The following LOX variants were observed in gnomAD, a reference collection of about 807,000 sequenced individuals.
The protein encoded by LOX is protein-lysine 6-oxidase.
LOX carries 12 observed loss-of-function variants against 50.5 expected under a neutral mutation model. That is an observed-to-expected ratio of 0.24 (90% CI 0.15 to 0.38). The LOEUF (loss-of-function observed/expected upper bound fraction) is 0.38. Among genes scored for constraint, LOX ranks in the 10% least tolerant of loss-of-function variants. The pLI is 1.00. For missense variants in LOX, 504 were observed against 563.8 expected (o/e 0.89, Z 1.07); for synonymous variants, 254 against 230.6 (o/e 1.10, Z -0.92).
chr5:122,076,710 A>G (rs1307660696), intron 2 of LOX, among the ~76,000 whole-genome samples, 183 bp downstream of exon 2: 1 of 128,278 alleles, frequency 7.8e-6, no homozygotes, highest in African/African-American at 2.6e-5. Flanking sequence ...GAACCCACAG[A>G]AATCTTCAAA....
rs761344933 is a variant in LOX at position 122,078,006 on chromosome 5, C to A, written c.-21G>T. The A allele has an allele frequency of 1.9e-5, 28 of 1,441,260 alleles. No homozygotes were observed. In the East Asian group the frequency reaches 4.8e-4, roughly 25 times the overall value. 89.3% of individuals were successfully genotyped at this position (1,441,260 alleles called of 1,614,324 possible). A position where few individuals can be genotyped will look rare whatever the true frequency, so the allele number is the denominator to read the frequency against. On this transcript the variant is annotated 5_prime_UTR_variant, in exon 1 of 7. Transcript: ENST00000231004. ...CGCATCACTCCTTTTGCCAGATTGA[C>A]CCCGCTCGAGGAGGACGTGGCTCAC...
chr5:122,066,650 T>C lies in LOX; in HGVS notation c.*93A>G. 1 of 1,029,390 alleles carries C rather than the reference T, an allele frequency of 9.7e-7. No homozygotes were observed. Among genetic ancestry groups the C allele is most frequent in the Non-Finnish European group, 1.5e-6 (1 of 676,574 alleles). 63.8% of individuals were successfully genotyped at this position (1,029,390 alleles called of 1,614,324 possible). A position where few individuals can be genotyped will look rare whatever the true frequency, so the allele number is the denominator to read the frequency against. ...CTTTTGTTGTTTTCTGTTCTCTTTT[T>C]CAAAATACATAAATCCTACTGAAGT... is the stretch of plus-strand genomic sequence containing the variant. On this transcript the variant is annotated 3_prime_UTR_variant, in exon 7 of 7. Transcript: ENST00000231004.
At chr5:122,071,395 C>A (rs948246499) in intron 4 of LOX, among the ~76,000 whole-genome samples, 26 of 152,088 alleles carry the variant, frequency 1.7e-4, no homozygotes, top group Admixed American at 6.5e-5. Flanking sequence ...TTAACTACCC[C>A]ACTATACTCT....
chr5:122,064,125 T>C lies in LOX; in HGVS notation c.*2618A>G, dbSNP rs1025848377. 2 of 151,974 alleles carry C rather than the reference T, an allele frequency of 1.3e-5. No homozygotes were observed. The highest frequency in any genetic ancestry group is 4.8e-5 in the African/African-American group (2 of 41,418). 9.4% of individuals were successfully genotyped at this position (151,974 alleles called of 1,614,324 possible). A position where few individuals can be genotyped will look rare whatever the true frequency, so the allele number is the denominator to read the frequency against. On this transcript the variant is annotated 3_prime_UTR_variant, in exon 7 of 7. Transcript: ENST00000231004. The stretch of plus-strand genomic sequence containing the variant: ...TCCTATTTAGTCCATTTTCTGTCTT[T>C]TTTAGTGTAAAAGCCAATCTCCTGT...
Position 122,077,304 on chromosome 5 carries a change from T to C in LOX, c.631+51A>G. On this transcript the variant is annotated intron_variant, in intron 1 of 6. Transcript: ENST00000231004. This position sits in a 1 kb window ranked among gnomAD's most constrained non-coding sequence, Gnocchi z 4.9. ...CAGGCAGCCACGTCGAGAAGCCACA[T>C]AGCTGGGGACCAGGTGCACGGGTGC... 1.2e-6 allele frequency: 2 copies of C among 1,610,326 alleles called. No homozygotes were observed. Among genetic ancestry groups the C allele is most frequent in the Non-Finnish European group, 1.7e-6 (2 of 1,178,524 alleles).
chr5:122,067,236 G>A (rs1754325019), intron 6 of LOX, among the ~76,000 whole-genome samples: 1 of 151,982 alleles, frequency 6.6e-6, no homozygotes, highest in African/African-American at 2.4e-5. Context: ...AGATCTTCAT[G>A]TAAGGAAGTG....
chr5:122,078,115 C>G lies in LOX; in HGVS notation c.-130G>C. The G allele has an allele frequency of 1.2e-6, 1 of 832,364 alleles. No homozygotes were observed. Among genetic ancestry groups the G allele is most frequent in the Non-Finnish European group, 1.7e-6 (1 of 592,570 alleles). 51.6% of individuals were successfully genotyped at this position (832,364 alleles called of 1,614,324 possible). On this transcript the variant is annotated 5_prime_UTR_variant, in exon 1 of 7. Coordinates refer to ENST00000231004, the MANE Select transcript of LOX (RefSeq NM_002317.7). ...GCGAGCGGAGCACGGGTATCTCAGT[C>G]TCCACCAAGCAATGCCAAGGGTGGG... is the stretch of plus-strand genomic sequence containing the variant.
chr5:122,070,643 TAAATAATATGCTATTATTTGC>T, intron 4 of LOX, 54 bp from the exon 5 acceptor site: 1 of 888,068 alleles, frequency 1.1e-6, no homozygotes, highest in Admixed American at 2.1e-5. Context: ...CAGACTATGA[TAAATAATATGCTATTATTTGC>T]AAATTAAATT....
In LOX at chr5:122,077,898, G is replaced by C; in HGVS notation, c.88C>G (p.Gln30Glu). 1 of 1,519,048 alleles carries C rather than the reference G, an allele frequency of 6.6e-7. No homozygotes were observed. Among genetic ancestry groups the C allele is most frequent in the Non-Finnish European group, 8.7e-7 (1 of 1,143,384 alleles). The allele number at this position is 1,519,048 out of a possible 1,614,324, so 94.1% of individuals were successfully genotyped here. A position where few individuals can be genotyped will look rare whatever the true frequency, so the allele number is the denominator to read the frequency against. ...HCAPPAAGQQ[Q>E]PPREPPAAPG... is the part of the protein sequence containing the mutation. ...GCCGCCGGCGGCTCGCGCGGGGGCT[G>C]CTGTTGGCCGGCGGCGGGAGGGGCG... Residue 30 changes from glutamine to glutamate, a missense_variant, in exon 1 of 7, where the codon CAG (glutamine) becomes GAG (glutamate). Coordinates refer to ENST00000231004, the MANE Select transcript of LOX (RefSeq NM_002317.7). The surrounding 1 kb of genome is among the most constrained non-coding windows in gnomAD (Gnocchi z 4.9).
In LOX at chr5:122,077,124, A is replaced by C. The variant is rs185898988; in HGVS notation, c.632-123T>G. ...CCACCGGGACTGCAGAGTGGAGCGGAGGACAGCAAGAGAACTGGGGACGCC... is the reference window on the plus strand; with the variant it reads ...CCACCGGGACTGCAGAGTGGAGCGGCGGACAGCAAGAGAACTGGGGACGCC... On this transcript the variant is annotated intron_variant, in intron 1 of 6. Transcript: ENST00000231004. The surrounding 1 kb of genome is among the most constrained non-coding windows in gnomAD (Gnocchi z 4.9). The C allele has an allele frequency of 3.5e-4, 518 of 1,487,582 alleles. 1 individual carries two copies. The African/African-American group carries it at 6.7e-3, about 19-fold the overall frequency. 92.1% of individuals were successfully genotyped at this position (1,487,582 alleles called of 1,614,324 possible). A position where few individuals can be genotyped will look rare whatever the true frequency, so the allele number is the denominator to read the frequency against.
chr5:122,071,713 A>G (rs2152588217), intron 4 of LOX, among the ~76,000 whole-genome samples: 1 of 152,296 alleles, frequency 6.6e-6, no homozygotes, highest in Non-Finnish European at 1.5e-5. Flanking sequence ...TGCTAGATTC[A>G]TTTTAACTCA....
In LOX at chr5:122,064,968, C is replaced by A. The variant is rs1321824707; in HGVS notation, c.*1775G>T. ...GTAGTTTTTTTGTTTTTTAAGAAAGCAAGTATATTAAAATATCTCTGTTAG... is the reference window on the plus strand; with the variant it reads ...GTAGTTTTTTTGTTTTTTAAGAAAGAAAGTATATTAAAATATCTCTGTTAG... On this transcript the variant is annotated 3_prime_UTR_variant, in exon 7 of 7. Transcript: ENST00000231004. 1 of 151,906 alleles carries A rather than the reference C, an allele frequency of 6.6e-6. No homozygotes were observed. Among genetic ancestry groups the A allele is most frequent in the East Asian group, 1.9e-4 (1 of 5,186 alleles). 9.4% of individuals were successfully genotyped at this position (151,906 alleles called of 1,614,324 possible).
At position 122,077,916 on chromosome 5, in the gene LOX, G is replaced by T. The variant is rs1754691651; in HGVS notation, c.70C>A (p.Pro24Thr). ...GGGGGCTGCTGTTGGCCGGCGGCGG[G>T]AGGGGCGCAGTGCACTAGCGCGCAG... ...QLCALVHCAP[P>T]AAGQQQPPRE... The change falls in exon 1 of 7, where the codon CCC becomes ACC. Residue 24 changes from proline to threonine, a missense_variant. Pro to Thr is a conservative substitution (Grantham distance 38). Coordinates refer to ENST00000231004, the MANE Select transcript of LOX (RefSeq NM_002317.7). This position sits in a 1 kb window ranked among gnomAD's most constrained non-coding sequence, Gnocchi z 4.9. The T allele has an allele frequency of 6.6e-7, 1 of 1,517,550 alleles. No individual in the cohort carries two copies. Among genetic ancestry groups the T allele is most frequent in the Admixed American group, 2.3e-5 (1 of 43,322 alleles). 94.0% of individuals were successfully genotyped at this position (1,517,550 alleles called of 1,614,324 possible). A position where few individuals can be genotyped will look rare whatever the true frequency, so the allele number is the denominator to read the frequency against.
At position 122,065,801 on chromosome 5, in the gene LOX, G is replaced by C. The variant is rs1016839481; in HGVS notation, c.*942C>G. The C allele has an allele frequency of 3.3e-5, 5 of 151,998 alleles. No individual in the cohort carries two copies. The highest frequency in any genetic ancestry group is 1.2e-4 in the African/African-American group (5 of 41,408). The allele number at this position is 151,998 out of a possible 1,614,324, so 9.4% of individuals were successfully genotyped here. ...GACAGTTGTGGTTTGGGGGGGACTT[G>C]TTTGTGTGATTTTTATGTCAGCAAG... On this transcript the variant is annotated 3_prime_UTR_variant, in exon 7 of 7. Coordinates refer to ENST00000231004, the MANE Select transcript of LOX (RefSeq NM_002317.7).
rs775549611 is a variant in LOX, at chr5:122,065,179, G to A, written c.*1564C>T. ...ATCATATGTACCGCTATATCCGCCA[G>A]TTGATGACTGTCCATCTCTAGCCCC... On this transcript the variant is annotated 3_prime_UTR_variant, in exon 7 of 7. Coordinates refer to ENST00000231004, the MANE Select transcript of LOX (RefSeq NM_002317.7). 7 of 152,048 alleles carry A rather than the reference G, an allele frequency of 4.6e-5. No individual in the cohort carries two copies. The highest frequency in any genetic ancestry group is 8.8e-5 in the Non-Finnish European group (6 of 67,994). The allele number at this position is 152,048 out of a possible 1,614,324, so 9.4% of individuals were successfully genotyped here.
At position 122,066,643 on chromosome 5, in the gene LOX, C is replaced by T; in HGVS notation, c.*100G>A. 3.1e-6 allele frequency: 3 copies of T among 964,906 alleles called. 1 individual carries two copies. The South Asian group carries it at 4.6e-5, about 15-fold the overall frequency. 59.8% of individuals were successfully genotyped at this position (964,906 alleles called of 1,614,324 possible). A position where few individuals can be genotyped will look rare whatever the true frequency, so the allele number is the denominator to read the frequency against. The stretch of plus-strand genomic sequence containing the variant: ...AAAAATTCTTTTGTTGTTTTCTGTT[C>T]TCTTTTTCAAAATACATAAATCCTA... On this transcript the variant is annotated 3_prime_UTR_variant, in exon 7 of 7. Coordinates refer to ENST00000231004, the MANE Select transcript of LOX (RefSeq NM_002317.7).
At chr5:122,074,801 G>T (rs1387218627) in intron 3 of LOX, among the ~76,000 whole-genome samples, 2 of 152,142 alleles carry the variant, frequency 1.3e-5, no homozygotes, top group Non-Finnish European at 2.9e-5. Flanking sequence ...AAACAATGAG[G>T]ACTGGCTTGG....
rs1393493042 is a variant in LOX, at chr5:122,077,239, G to A, written c.631+116C>T. On this transcript the variant is annotated intron_variant, in intron 1 of 6. Transcript: ENST00000231004. The surrounding 1 kb of genome is among the most constrained non-coding windows in gnomAD (Gnocchi z 4.9). ...CAGGGCTGCCACTGCAGGCGCGTGG[G>A]GGAGGGATCGGATCTGCGAGGACCG... 2 of 1,517,468 alleles carry A rather than the reference G, an allele frequency of 1.3e-6. No individual in the cohort carries two copies. The highest frequency in any genetic ancestry group is 2.6e-5 in the South Asian group (2 of 77,764). 94.0% of individuals were successfully genotyped at this position (1,517,468 alleles called of 1,614,324 possible).
Position 122,064,700 on chromosome 5 carries a change from A to T in LOX, c.*2043T>A, listed in dbSNP as rs1754252053. The T allele has an allele frequency of 6.6e-6, 1 of 151,972 alleles. No individual in the cohort carries two copies. Among genetic ancestry groups the T allele is most frequent in the Non-Finnish European group, 1.5e-5 (1 of 67,940 alleles). The allele number at this position is 151,972 out of a possible 1,614,324, so 9.4% of individuals were successfully genotyped here. A position where few individuals can be genotyped will look rare whatever the true frequency, so the allele number is the denominator to read the frequency against. On this transcript the variant is annotated 3_prime_UTR_variant, in exon 7 of 7. Coordinates refer to ENST00000231004, the MANE Select transcript of LOX (RefSeq NM_002317.7). ...GGTAATAATGGGATTTTTAATACTT[A>T]TTGAGGTTATAGACAGTCTTTTTTA... is the stretch of plus-strand genomic sequence containing the variant.
Sources: allele counts gnomAD v4.1 joint callset (sites outside exome capture counted in the v4.1 genomes callset), GRCh38; gene constraint gnomAD v4.1.1; non-coding constraint Gnocchi (gnomAD v3.1); transcripts MANE v1.5; gene names NCBI Gene and HGNC (gene_info 2026-07-23, HGNC 2026-07-21).